PCNX2: variants seen among roughly 807,000 people sequenced by gnomAD.
PCNX2 encodes pecanex 2.
PCNX2 carries 168 observed loss-of-function variants against 223.8 expected under a neutral mutation model. The observed-to-expected ratio is 0.75, with a 90% CI of 0.66 to 0.85. PCNX2 has a LOEUF of 0.85. Ranked by LOEUF, PCNX2 falls within the 40% of genes least tolerant of loss-of-function variation. PCNX2 has a pLI of 0.00. For synonymous variants in PCNX2, 1,006 were observed against 1,052.6 expected, an observed-to-expected ratio of 0.96 and a Z score of 0.86; for missense variants, 2,507 against 2,675.5, an observed-to-expected ratio of 0.94 and a Z score of 1.39.
At chr1:233,232,691 T>C in intron 9 of PCNX2, 1 of 550,416 alleles carries the variant, frequency 1.8e-6, no homozygotes, top group Non-Finnish European at 2.3e-6. Context: ...TAAATGCCAA[T>C]ATTCTTATGA....
At chr1:233,292,084 C>G in intron 1 of PCNX2, 1 of 911,758 alleles carries the variant, frequency 1.1e-6, no homozygotes, top group Non-Finnish European at 1.3e-6. Context: ...TAAGTACATT[C>G]TAGGGATTAT....
chr1:233,289,212 A>G, intron 1 of PCNX2: 1 of 860,264 alleles, frequency 1.2e-6, no homozygotes, highest in Non-Finnish European at 2.0e-6. Context: ...TTCACATACT[A>G]GCCGGACTTG....
chr1:233,106,533 T>C lies in PCNX2; in HGVS notation c.3838-10670A>G, dbSNP rs562430545. On this transcript the variant is annotated intron_variant, in intron 21 of 33. Transcript: ENST00000258229. The stretch of plus-strand genomic sequence containing the variant: ...ACACCTGGCTAACTTTTTGTGTTTT[T>C]AGTAGAGACGGGGTTTCACCGTGTT... 4.6e-5 allele frequency among the ~76,000 whole-genome samples: 7 copies of C among 152,082 alleles called. No homozygotes were observed. In the South Asian group the frequency reaches 1.5e-3, roughly 32 times the overall value.
Position 233,293,946 on chromosome 1 carries a change from T to C in PCNX2, c.153+1380A>G, listed in dbSNP as rs564009321. ...CTGGGGCCCATAGGCTAAGGAAAAA[T>C]GGGTTAAGAAAAATGGTGCGGAGAA... is the stretch of plus-strand genomic sequence containing the variant. On this transcript the variant is annotated intron_variant, in intron 1 of 33. Transcript: ENST00000258229. 62 of 984,448 alleles carry C rather than the reference T, an allele frequency of 6.3e-5. 1 individual carries two copies. The South Asian group carries it at 2.6e-3, about 42-fold the overall frequency. The allele number at this position is 984,448 out of a possible 1,614,324, so 61.0% of individuals were successfully genotyped here. A position where few individuals can be genotyped will look rare whatever the true frequency, so the allele number is the denominator to read the frequency against.
chr1:233,194,799 G>A (rs915031364), intron 15 of PCNX2, among the ~76,000 whole-genome samples: 4 of 151,964 alleles, frequency 2.6e-5, no homozygotes, highest in Admixed American at 2.0e-4. Flanking sequence ...GGCGGATCAC[G>A]AGGTCAGGAG....
chr1:233,095,632 G>T, intron 22 of PCNX2, 123 bp downstream of exon 22: 1 of 898,244 alleles, frequency 1.1e-6, no homozygotes, highest in Non-Finnish European at 1.8e-6. Flanking sequence ...GCCTCTTCAT[G>T]TCCCCATTAA....
At chr1:233,171,080 G>A (rs1036514895) in intron 17 of PCNX2, among the ~76,000 whole-genome samples, 11 of 152,100 alleles carry the variant, frequency 7.2e-5, no homozygotes, top group South Asian at 2.1e-4. Context: ...TGGACATTAC[G>A]AAGACCTCTG....
chr1:233,251,424 T>C (rs1222216310), intron 7 of PCNX2, among the ~76,000 whole-genome samples: 1 of 152,100 alleles, frequency 6.6e-6, no homozygotes, highest in Admixed American at 6.5e-5. Context: ...GATACTGAGG[T>C]GTGAAAATCC....
At chr1:233,177,256 G>A (rs545567390) in intron 17 of PCNX2, among the ~76,000 whole-genome samples, 1 of 152,320 alleles carries the variant, frequency 6.6e-6, no homozygotes, top group African/African-American at 2.4e-5. Flanking sequence ...ACTGGTCCAA[G>A]CAAGCATTAG....
intron 23 of PCNX2, among the ~76,000 whole-genome samples, chr1:233,072,930 T>G (rs1256545180): frequency 1.3e-5 from 2 of 152,234 alleles, no homozygotes; most frequent in African/African-American, 2.4e-5. Flanking sequence ...TTCAGTATAT[T>G]TTGAAAGATT....
chr1:233,206,370 T>C (rs996783714), intron 13 of PCNX2, among the ~76,000 whole-genome samples: 3 of 151,960 alleles, frequency 2.0e-5, no homozygotes, highest in African/African-American at 7.2e-5. Flanking sequence ...AAAAAGAAGA[T>C]GGCAGGAAAG....
intron 32 of PCNX2, among the ~76,000 whole-genome samples, chr1:232,994,552 T>G (rs1337328619): frequency 6.6e-6 from 1 of 152,212 alleles, no homozygotes; most frequent in African/African-American, 2.4e-5. Flanking sequence ...AATGTTGGAA[T>G]GAGTTAAGAC....
At chr1:233,269,647 C>A (rs1171330428) in intron 1 of PCNX2, among the ~76,000 whole-genome samples, 1 of 152,158 alleles carries the variant, frequency 6.6e-6, no homozygotes, top group Non-Finnish European at 1.5e-5. Flanking sequence ...AGTTTTCCTG[C>A]TTAAAGGTTA....
chr1:233,124,061 TAA>T (rs1010358801), intron 21 of PCNX2, among the ~76,000 whole-genome samples: 5 of 152,224 alleles, frequency 3.3e-5, no homozygotes, highest in African/African-American at 1.2e-4. Flanking sequence ...TAGTTGAATA[TAA>T]AGTTTCTACT....
chr1:233,126,664 T>C lies in PCNX2; in HGVS notation c.3837+8349A>G, dbSNP rs1480753497. Reference sequence around the variant, plus strand: ...GACTTTTTTTGTATTTTCCATTGCTTTTCTAATTTTATCATGATAAGAATA... The same window carrying C: ...GACTTTTTTTGTATTTTCCATTGCTCTTCTAATTTTATCATGATAAGAATA... On this transcript the variant is annotated intron_variant, in intron 21 of 33. Coordinates refer to ENST00000258229, the MANE Select transcript of PCNX2 (RefSeq NM_014801.4). This position sits in a 1 kb window ranked among gnomAD's most constrained non-coding sequence, Gnocchi z 4.8. Among the ~76,000 whole-genome samples the C allele has an allele frequency of 6.6e-6, 1 of 152,162 alleles. No individual in the cohort carries two copies. Among genetic ancestry groups the C allele is most frequent in the Non-Finnish European group, 1.5e-5 (1 of 68,032 alleles).
chr1:233,234,067 T>C (rs1009050727), intron 9 of PCNX2, among the ~76,000 whole-genome samples: 1 of 152,174 alleles, frequency 6.6e-6, no homozygotes, highest in African/African-American at 2.4e-5. Context: ...ATTTCTGTTG[T>C]ATAGAGTTGA....
At chr1:233,073,474 T>A (rs886869998) in intron 23 of PCNX2, among the ~76,000 whole-genome samples, 6 of 151,966 alleles carry the variant, frequency 3.9e-5, no homozygotes, top group Admixed American at 6.6e-5. Flanking sequence ...CTTTAAAAAA[T>A]TTTTTTTGAG....
chr1:233,061,103 A>AT (rs1672390250), intron 23 of PCNX2, among the ~76,000 whole-genome samples: 1 of 152,182 alleles, frequency 6.6e-6, no homozygotes, highest in African/African-American at 2.4e-5. Flanking sequence ...AAGTTGTCTT[A>AT]TTTTTTGGTG....
intron 25 of PCNX2, among the ~76,000 whole-genome samples, chr1:233,050,965 ACAAT>A (rs2102871482): frequency 6.6e-6 from 1 of 152,310 alleles, no homozygotes; most frequent in African/African-American, 2.4e-5. Context: ...AGGGAATTAA[ACAAT>A]CAAACAAGCA....
Sources: gnomAD v4.1 joint callset for allele counts (sites outside exome capture counted in the v4.1 genomes callset) on GRCh38, gnomAD v4.1.1 for gene constraint, Gnocchi (gnomAD v3.1) non-coding constraint, MANE v1.5 for transcripts, NCBI Gene and HGNC (gene_info 2026-07-23, HGNC 2026-07-21) for gene names.